Variants in ZNF423 observed in about 807,000 individuals in gnomAD.
ZNF423 encodes zinc finger protein 423.
In ZNF423, 12 loss-of-function variants were observed where a neutral mutation model predicts 95.8. The ratio of observed to expected loss-of-function variants is 0.13; its 90% CI spans 0.08 to 0.20. The LOEUF is 0.20. ZNF423 is among the 10% of genes least tolerant of loss of function. The pLI is 1.00. For missense variants in ZNF423, 1,316 were observed against 1,737.1 expected (o/e 0.76, Z 4.31); for synonymous variants, 749 against 711.9 (o/e 1.05, Z -0.83).
chr16:49,753,112 C>G (rs936449746), intron 2 of ZNF423, among the ~76,000 whole-genome samples: 1 of 144,706 alleles, frequency 6.9e-6, no homozygotes, highest in Non-Finnish European at 1.5e-5. Context: ...GGCGTGGTGG[C>G]GTGAGCCTGT....
intron 5 of ZNF423, among the ~76,000 whole-genome samples, chr16:49,535,421 G>A (rs1238730665): frequency 2.6e-5 from 4 of 152,110 alleles, no homozygotes; most frequent in South Asian, 4.1e-4. Context: ...TCCAAATCCC[G>A]GCTCTTTGAG....
chr16:49,583,096 C>G (rs1362804363), intron 5 of ZNF423, among the ~76,000 whole-genome samples: 2 of 152,222 alleles, frequency 1.3e-5, no homozygotes, highest in Admixed American at 1.3e-4. Context: ...CCAAGAAGAA[C>G]CACGATGAGA....
chr16:49,615,086 G>A (rs1225109581), intron 5 of ZNF423, among the ~76,000 whole-genome samples: 3 of 151,644 alleles, frequency 2.0e-5, no homozygotes, highest in African/African-American at 7.3e-5. Context: ...AGGCGAGATC[G>A]TGCCATTGCA....
chr16:49,793,673 G>C (rs941228291), intron 1 of ZNF423, among the ~76,000 whole-genome samples: 1 of 152,192 alleles, frequency 6.6e-6, no homozygotes, highest in Non-Finnish European at 1.5e-5. Context: ...GGGACAGCAC[G>C]TGAAGCAAGT....
At chr16:49,759,564 G>A (rs1423681410) in intron 2 of ZNF423, among the ~76,000 whole-genome samples, 7 of 152,222 alleles carry the variant, frequency 4.6e-5, no homozygotes, top group African/African-American at 1.7e-4. Flanking sequence ...AGCCTCAGGA[G>A]CAGCACATAC....
At chr16:49,692,851 A>G (rs2151947523) in intron 3 of ZNF423, among the ~76,000 whole-genome samples, 1 of 152,302 alleles carries the variant, frequency 6.6e-6, no homozygotes, top group South Asian at 2.1e-4. Context: ...AAGCAAAGAT[A>G]CCTCTTACAT....
At chr16:49,531,697 C>T (rs1968851824) in intron 5 of ZNF423, among the ~76,000 whole-genome samples, 1 of 152,146 alleles carries the variant, frequency 6.6e-6, no homozygotes, top group South Asian at 2.1e-4. Flanking sequence ...GACATTTAGG[C>T]TGGGAGTCAA....
At chr16:49,702,565 G>A (rs1222994334) in intron 3 of ZNF423, among the ~76,000 whole-genome samples, 1 of 152,110 alleles carries the variant, frequency 6.6e-6, no homozygotes, top group Non-Finnish European at 1.5e-5. Context: ...GGGCTGGCGG[G>A]CCCCTCACCT....
intron 3 of ZNF423, among the ~76,000 whole-genome samples, chr16:49,695,441 G>T (rs1032856228): frequency 3.9e-5 from 6 of 152,224 alleles, no homozygotes; most frequent in Non-Finnish European, 5.9e-5. Context: ...TTATAGGCAT[G>T]CGCCACCAAG....
At chr16:49,823,946 T>C (rs903002969) in intron 1 of ZNF423, among the ~76,000 whole-genome samples, 2 of 151,878 alleles carry the variant, frequency 1.3e-5, no homozygotes, top group Non-Finnish European at 2.9e-5. Context: ...AAATAAAAAT[T>C]TGGTACACAC....
At chr16:49,754,185 T>C (rs1473583879) in intron 2 of ZNF423, among the ~76,000 whole-genome samples, 1 of 152,156 alleles carries the variant, frequency 6.6e-6, no homozygotes, top group Admixed American at 6.5e-5. Context: ...GGCAGTGGCA[T>C]TGCCCCCACC....
At chr16:49,677,290 A>AGAGAT (rs2031123978) in intron 3 of ZNF423, among the ~76,000 whole-genome samples, 1 of 92,240 alleles carries the variant, frequency 1.1e-5, no homozygotes, top group African/African-American at 4.2e-5. Flanking sequence ...AGAGAAGAGA[A>AGAGAT]GAGAAGAGAA....
intron 3 of ZNF423, among the ~76,000 whole-genome samples, chr16:49,682,863 C>A (rs377134278): frequency 6.6e-6 from 1 of 152,194 alleles, no homozygotes; most frequent in East Asian, 1.9e-4. Context: ...TGTGTATTGG[C>A]GGCTCTGAGT....
chr16:49,770,687 G>C (rs1286335654), intron 2 of ZNF423, among the ~76,000 whole-genome samples: 1 of 152,174 alleles, frequency 6.6e-6, no homozygotes, highest in Non-Finnish European at 1.5e-5. Context: ...TGCTCTCGGA[G>C]GGGCACAAGG....
At chr16:49,711,226 A>G (rs1221158523) in intron 3 of ZNF423, 1 of 152,204 alleles carries the variant, frequency 6.6e-6, no homozygotes, top group Non-Finnish European at 1.5e-5. Flanking sequence ...CTTATCAACC[A>G]TGGAAAAAAG....
At chr16:49,717,398 T>A (rs1301271758) in intron 3 of ZNF423, among the ~76,000 whole-genome samples, 1 of 152,180 alleles carries the variant, frequency 6.6e-6, no homozygotes, top group Non-Finnish European at 1.5e-5. Context: ...GCTGTCTAGG[T>A]TAAATGGCCT....
Position 49,855,134 on chromosome 16 carries a change from A to C in ZNF423, c.40+601T>G. On this transcript the variant is annotated intron_variant, in intron 1 of 7. Transcript: ENST00000563137. The surrounding 1 kb of genome is among the most constrained non-coding windows in gnomAD (Gnocchi z 4.7). ...GCCCGGGCCGGGAGAAGGCCTGGGC[A>C]GGGGCGGGAGGGGGCGCCAGGCGGC... The C allele has an allele frequency of 1.6e-6, 1 of 634,940 alleles. No homozygotes were observed. The highest frequency in any genetic ancestry group is 1.9e-6 in the Non-Finnish European group (1 of 513,846). The allele number at this position is 634,940 out of a possible 1,614,324, so 39.3% of individuals were successfully genotyped here.
chr16:49,808,346 G>C (rs970098296), intron 1 of ZNF423, among the ~76,000 whole-genome samples: 3 of 152,116 alleles, frequency 2.0e-5, no homozygotes, highest in African/African-American at 7.2e-5. Context: ...ACAGATGTGA[G>C]CCATTATGCC....
At chr16:49,647,605 A>C (rs1295572022) in intron 3 of ZNF423, among the ~76,000 whole-genome samples, 1 of 152,162 alleles carries the variant, frequency 6.6e-6, no homozygotes, top group African/African-American at 2.4e-5. Context: ...CCCAACCAGC[A>C]ATTACTAGTA....
Sources: gnomAD v4.1 joint callset for allele counts (sites outside exome capture counted in the v4.1 genomes callset) on GRCh38, gnomAD v4.1.1 for gene constraint, Gnocchi (gnomAD v3.1) non-coding constraint, MANE v1.5 for transcripts, NCBI Gene and HGNC (gene_info 2026-07-23, HGNC 2026-07-21) for gene names.